CWC22: variants seen among roughly 807,000 people sequenced by gnomAD.
The protein encoded by CWC22 is pre-mRNA-splicing factor CWC22 homolog.
Under a neutral mutation model 117.2 loss-of-function variants are expected in CWC22, and 53 were observed. The ratio of observed to expected loss-of-function variants is 0.45; its 90% CI spans 0.36 to 0.57. The LOEUF (loss-of-function observed/expected upper bound fraction) is 0.57, where lower values mean the gene tolerates loss of function less well. Ranked by LOEUF, CWC22 falls within the 20% of genes least tolerant of loss-of-function variation. The pLI is 0.00. For synonymous variants in CWC22, 360 were observed against 355.6 expected (o/e 1.01, Z -0.14); for missense variants, 980 against 1,068.8 (o/e 0.92, Z 1.16).
intron 13 of CWC22, among the ~76,000 whole-genome samples, chr2:179,964,134 T>G (rs1003612586): frequency 6.6e-6 from 1 of 152,220 alleles, no homozygotes; most frequent in South Asian, 2.1e-4. Flanking sequence ...CAAATCACTG[T>G]CCAACAGTCA....
intron 13 of CWC22, among the ~76,000 whole-genome samples, chr2:179,962,287 C>A (rs1191375794): frequency 5.8e-4 from 88 of 152,108 alleles, no homozygotes; most frequent in Non-Finnish European, 3.1e-4. Context: ...GTTGCCAGAA[C>A]TTCGTTTTTG....
At chr2:179,966,017 T>G in intron 11 of CWC22, 35 bp from the exon 12 acceptor site, 1 of 1,525,284 alleles carries the variant, frequency 6.6e-7, no homozygotes, top group Non-Finnish European at 9.0e-7. Flanking sequence ...GAAAAAAATG[T>G]GCAAGTCATA....
rs781207411 is a variant in CWC22, at chr2:179,970,962, C to A, written c.919G>T (p.Val307Leu). The A allele has an allele frequency of 1.5e-5, 24 of 1,612,570 alleles. No individual in the cohort carries two copies. The highest frequency in any genetic ancestry group is 2.0e-5 in the Non-Finnish European group (24 of 1,179,198). Residue 307 changes from valine (V) to leucine (L), a missense_variant, in exon 9 of 20, where the codon GTG (valine) becomes TTG (leucine). Physicochemically the swap from Val to Leu is conservative, Grantham distance 32. Coordinates refer to ENST00000410053, the MANE Select transcript of CWC22 (RefSeq NM_020943.3). ...TTACCATTGATTCCTCTTGGTGACA[C>A]TTGTGTTAATTTGAGGCCACATTCC... ...LKECGLKLTQ[V>L]SPRGINAIFE...
chr2:179,956,968 A>G (rs904788854), intron 14 of CWC22, among the ~76,000 whole-genome samples: 4 of 152,152 alleles, frequency 2.6e-5, no homozygotes, highest in Non-Finnish European at 4.4e-5. Context: ...ATATTTTAAC[A>G]TTTTAATTAT....
rs192069579 is a variant in CWC22, at chr2:179,982,178, G to C, written c.207-181C>G. On this transcript the variant is annotated intron_variant, in intron 4 of 19. Transcript: ENST00000410053. ...TCAACAAATTAGGTCCTGAAGGCTT[G>C]ACAGGATTTAGACTGGGGGCAAGTC... Among the ~76,000 whole-genome samples the C allele has an allele frequency of 2.6e-5, 4 of 152,286 alleles. No homozygotes were observed. In the East Asian group the frequency reaches 7.7e-4, roughly 29 times the overall value.
In CWC22 at chr2:179,973,147, G is replaced by C. The variant is rs565926437; in HGVS notation, c.804+46C>G. On this transcript the variant is annotated intron_variant, in intron 8 of 19. Transcript: ENST00000410053. ...TCAGTGAAGTGGCATCAACCCTCTG[G>C]TCTAATGCCACTGAATGGGACCAAG... The C allele has an allele frequency of 7.4e-6, 10 of 1,349,706 alleles. No homozygotes were observed. The East Asian group carries it at 1.2e-4, about 16-fold the overall frequency. 83.6% of individuals were successfully genotyped at this position (1,349,706 alleles called of 1,614,324 possible). A position where few individuals can be genotyped will look rare whatever the true frequency, so the allele number is the denominator to read the frequency against.
At position 179,954,291 on chromosome 2, in the gene CWC22, T is replaced by C. The variant is rs1382453180; in HGVS notation, c.1603A>G (p.Thr535Ala). The part of the protein sequence containing the change: ...FEGIFKEQYD[T>A]IHRLETNKLR... ...TTGTTTGTTTCCAAGCGATGGATGG[T>C]ATCATACTGTTCTTTGAATATACCT... Residue 535 changes from threonine to alanine, a missense_variant, in exon 16 of 20, where the codon ACC becomes GCC. Thr to Ala is a moderately conservative substitution (Grantham distance 58). Coordinates refer to ENST00000410053, the MANE Select transcript of CWC22 (RefSeq NM_020943.3). The C allele has an allele frequency of 3.7e-6, 6 of 1,609,592 alleles. No individual in the cohort carries two copies. The highest frequency in any genetic ancestry group is 5.1e-6 in the Non-Finnish European group (6 of 1,176,530).
chr2:180,003,430 G>C (rs1383154798), intron 1 of CWC22, among the ~76,000 whole-genome samples: 1 of 152,136 alleles, frequency 6.6e-6, no homozygotes, highest in African/African-American at 2.4e-5. Context: ...CTGTTCCTCA[G>C]CTTGCCTAAT....
intron 4 of CWC22, among the ~76,000 whole-genome samples, chr2:179,982,267 A>G (rs1687304679): frequency 6.6e-6 from 1 of 152,198 alleles, no homozygotes; most frequent in East Asian, 1.9e-4. Flanking sequence ...ATAATTATTG[A>G]AAGACTGAGC....
At position 179,952,597 on chromosome 2, in the gene CWC22, A is replaced by C. The variant is rs1686480095; in HGVS notation, c.1691T>G (p.Val564Gly). 7.1e-7 allele frequency: 1 copy of C among 1,414,240 alleles called. No individual in the cohort carries two copies. Among genetic ancestry groups the C allele is most frequent in the East Asian group, 2.6e-5 (1 of 38,670 alleles). 87.6% of individuals were successfully genotyped at this position (1,414,240 alleles called of 1,614,324 possible). A position where few individuals can be genotyped will look rare whatever the true frequency, so the allele number is the denominator to read the frequency against. ...LLYTDSLPWS[V>G]LECIKLSEET... ...TTCACTCAGTTTTATACATTCAAGA[A>C]CCTGAAAATTAAAATAAAAAAAGAC... Residue 564 changes from valine (V) to glycine (G), a missense_variant and splice_region_variant, in exon 17 of 20, where the codon GTT becomes GGT. This residue lies in a region of CWC22 where 115 missense variants were observed against 169.8 expected (regional missense o/e 0.68). Coordinates refer to ENST00000410053, the MANE Select transcript of CWC22 (RefSeq NM_020943.3).
At chr2:179,987,592 A>C (rs1245442690) in intron 3 of CWC22, among the ~76,000 whole-genome samples, 1 of 152,184 alleles carries the variant, frequency 6.6e-6, no homozygotes, top group Non-Finnish European at 1.5e-5. Context: ...TTCACAAAGC[A>C]AAGTTTTTAG....
intron 6 of CWC22, among the ~76,000 whole-genome samples, chr2:179,976,360 T>A (rs1308734499): frequency 7.9e-5 from 12 of 152,144 alleles, no homozygotes; most frequent in Admixed American, 7.9e-4. Flanking sequence ...TGGTTAATGA[T>A]TTTTTGGATA....
intron 4 of CWC22, among the ~76,000 whole-genome samples, chr2:179,983,315 A>C (rs1010239624): frequency 6.6e-6 from 1 of 152,018 alleles, no homozygotes; most frequent in East Asian, 1.9e-4. Context: ...TCCATGTGTT[A>C]ATGTGTTCTC....
chr2:180,000,069 C>T (rs58408527), intron 1 of CWC22, among the ~76,000 whole-genome samples: 2,733 of 152,220 alleles, frequency 0.018, 92 homozygotes, highest in African/African-American at 0.062. Context: ...TTGCTATGTA[C>T]TTTCCATATC....
At chr2:179,979,698 C>T (rs1039271362) in intron 5 of CWC22, among the ~76,000 whole-genome samples, 88 of 151,966 alleles carry the variant, frequency 5.8e-4, no homozygotes, top group African/African-American at 2.1e-3. Context: ...AATTATGTAC[C>T]CCCTTACTGC....
intron 11 of CWC22, among the ~76,000 whole-genome samples, chr2:179,967,125 C>T (rs1159256717): frequency 1.3e-5 from 2 of 152,214 alleles, no homozygotes; most frequent in African/African-American, 4.8e-5. Flanking sequence ...GGCATTCCTG[C>T]TGTTTTCCCA....
At chr2:179,976,202 C>A (rs1293479160) in intron 6 of CWC22, among the ~76,000 whole-genome samples, 1 of 152,114 alleles carries the variant, frequency 6.6e-6, no homozygotes. Flanking sequence ...TACCCAGATG[C>A]AGAAGAATGA....
intron 5 of CWC22, among the ~76,000 whole-genome samples, chr2:179,979,384 C>T (rs1687232061): frequency 6.6e-6 from 1 of 152,158 alleles, no homozygotes; most frequent in Non-Finnish European, 1.5e-5. Flanking sequence ...ATACTCTGAT[C>T]TATTGCCTAC....
intron 13 of CWC22, among the ~76,000 whole-genome samples, chr2:179,960,966 A>T (rs1488900558): frequency 6.6e-6 from 1 of 151,956 alleles, no homozygotes; most frequent in Non-Finnish European, 1.5e-5. Context: ...CCGATTTCTT[A>T]TATTTTTCTA....
Sources: gnomAD v4.1 joint callset for allele counts (sites outside exome capture counted in the v4.1 genomes callset) on GRCh38, gnomAD v4.1.1 for gene constraint, gnomAD v4.1.1 regional missense constraint, MANE v1.5 for transcripts, NCBI Gene and HGNC (gene_info 2026-07-23, HGNC 2026-07-21) for gene names.